Variants in VWDE observed in about 807,000 individuals in gnomAD.
VWDE encodes the protein von Willebrand factor D and EGF domains, also known as von Willebrand factor D and EGF domain-containing protein.
A neutral mutation model predicts 178.4 loss-of-function variants in VWDE; 207 were observed. The ratio of observed to expected loss-of-function variants is 1.16; its 90% CI spans 1.04 to 1.30. The LOEUF (loss-of-function observed/expected upper bound fraction) is 1.30, where lower values mean the gene tolerates loss of function less well. Among genes scored for constraint, VWDE ranks in the 50% most tolerant of loss-of-function variants. VWDE has a pLI of 0.00. For synonymous variants in VWDE, 738 were observed against 651.4 expected, an observed-to-expected ratio of 1.13 and a Z score of -2.02; for missense variants, 2,287 against 1,901.3, an observed-to-expected ratio of 1.20 and a Z score of -3.77.
intron 19 of VWDE, among the ~76,000 whole-genome samples, chr7:12,348,460 A>G (rs1178914062): frequency 5.6e-5 from 5 of 89,362 alleles, no homozygotes. Flanking sequence ...ATGCAGCCAA[A>G]AAATACATGA....
In VWDE at chr7:12,361,537, GA is replaced by G; in HGVS notation, c.2899-17del. 2 of 1,490,258 alleles carry G rather than the reference GA, an allele frequency of 1.3e-6. No homozygotes were observed. Among genetic ancestry groups the G allele is most frequent in the South Asian group, 1.3e-5 (1 of 74,410 alleles). 92.3% of individuals were successfully genotyped at this position (1,490,258 alleles called of 1,614,324 possible). A position where few individuals can be genotyped will look rare whatever the true frequency, so the allele number is the denominator to read the frequency against. On this transcript the variant is annotated splice_polypyrimidine_tract_variant and intron_variant, in intron 13 of 28. Transcript: ENST00000275358. ...TGCTATTATACTGAAGACATAGTGA[GA>G]AAAAAATTAACCTCTGTTAAATTAT...
At chr7:12,384,729 C>T (rs1327759954) in intron 3 of VWDE, among the ~76,000 whole-genome samples, 1 of 151,998 alleles carries the variant, frequency 6.6e-6, no homozygotes, top group African/African-American at 2.4e-5. Flanking sequence ...AGGATTATAC[C>T]ACCAATGAGC....
At chr7:12,341,208 T>C (rs1463249022) in intron 23 of VWDE, among the ~76,000 whole-genome samples, 2 of 152,212 alleles carry the variant, frequency 1.3e-5, no homozygotes, top group African/African-American at 2.4e-5. Context: ...AGTGGATCCT[T>C]GTTTCCATTT....
At chr7:12,342,194 G>A (rs1781372540) in intron 22 of VWDE, 40 bp from the exon 23 acceptor site, 7 of 1,511,036 alleles carry the variant, frequency 4.6e-6, no homozygotes, top group Non-Finnish European at 6.3e-6. Flanking sequence ...GATTAGGCTT[G>A]GAGTAGTCAT....
intron 9 of VWDE, 37 bp from the exon 10 acceptor site, chr7:12,373,284 T>C: frequency 2.0e-6 from 3 of 1,537,996 alleles, no homozygotes; most frequent in Non-Finnish European, 2.6e-6. Context: ...TAAAAAATCG[T>C]GTAAAATATC....
chr7:12,372,961 A>T lies in VWDE; in HGVS notation c.1587+16T>A. On this transcript the variant is annotated intron_variant, in intron 10 of 28. Coordinates refer to ENST00000275358, the MANE Select transcript of VWDE (RefSeq NM_001135924.3). Reference sequence around the variant, plus strand: ...AAAAAGGAAAAATACTTTCAATGTTAAAGAATCATACATACTGTGACTTTT... The same window carrying T: ...AAAAAGGAAAAATACTTTCAATGTTTAAGAATCATACATACTGTGACTTTT... The T allele has an allele frequency of 6.5e-7, 1 of 1,543,076 alleles. No homozygotes were observed. Among genetic ancestry groups the T allele is most frequent in the South Asian group, 1.2e-5 (1 of 81,892 alleles).
intron 27 of VWDE, among the ~76,000 whole-genome samples, chr7:12,334,823 A>G (rs1364867334): frequency 1.3e-5 from 2 of 152,192 alleles, no homozygotes; most frequent in Non-Finnish European, 2.9e-5. Context: ...TATGGTCCGC[A>G]TAGAGCTTAC....
At chr7:12,378,321 T>A (rs1016337544) in intron 6 of VWDE, among the ~76,000 whole-genome samples, 2 of 152,222 alleles carry the variant, frequency 1.3e-5, no homozygotes, top group African/African-American at 4.8e-5. Flanking sequence ...AATACCACCA[T>A]CTCAATTAGA....
chr7:12,353,324 G>C (rs1409666952), intron 18 of VWDE, among the ~76,000 whole-genome samples: 1 of 152,192 alleles, frequency 6.6e-6, no homozygotes, highest in African/African-American at 2.4e-5. Context: ...AATTCTGTGG[G>C]ATCAGGGCTC....
At chr7:12,336,343 A>G in intron 26 of VWDE, 107 bp from the exon 27 acceptor site, 4 of 858,312 alleles carry the variant, frequency 4.7e-6, no homozygotes, top group Non-Finnish European at 7.0e-6. Context: ...AGTTACAAGT[A>G]AGTGATTAAA....
At chr7:12,381,288 C>G (rs944429546) in intron 4 of VWDE, among the ~76,000 whole-genome samples, 2 of 152,072 alleles carry the variant, frequency 1.3e-5, no homozygotes, top group African/African-American at 4.8e-5. Context: ...TCTAAGAACT[C>G]ACAGGAAAAT....
chr7:12,389,048 A>G lies in VWDE; in HGVS notation c.475+79T>C, dbSNP rs528760100. ...ATCTTACTGAGATTTGCACTAACTC[A>G]ATACAACCTATCCAGAGAATGGTAC... On this transcript the variant is annotated intron_variant, in intron 3 of 28. Transcript: ENST00000275358. 4 of 1,013,070 alleles carry G rather than the reference A, an allele frequency of 3.9e-6. No individual in the cohort carries two copies. The South Asian group carries it at 4.1e-5, about 10-fold the overall frequency. The allele number at this position is 1,013,070 out of a possible 1,614,324, so 62.8% of individuals were successfully genotyped here.
chr7:12,336,266 T>A (rs1320954319), intron 26 of VWDE, 30 bp from the exon 27 acceptor site: 3 of 1,535,628 alleles, frequency 2.0e-6, no homozygotes, highest in Admixed American at 2.0e-5. Context: ...CAAGTTAAAA[T>A]TTTAAATTAC....
chr7:12,396,591 C>T (rs2099257790), intron 1 of VWDE, among the ~76,000 whole-genome samples: 1 of 151,850 alleles, frequency 6.6e-6, no homozygotes, highest in Non-Finnish European at 1.5e-5. Context: ...GTTGGAAAAC[C>T]ATTCCATACT....
chr7:12,374,796 C>T, intron 8 of VWDE, 34 bp from the exon 9 acceptor site: 1 of 1,350,806 alleles, frequency 7.4e-7, no homozygotes, highest in Non-Finnish European at 1.0e-6. Context: ...TAAATATTAC[C>T]ATTAATTATA....
intron 1 of VWDE, among the ~76,000 whole-genome samples, chr7:12,398,106 C>T (rs1784711167): frequency 6.6e-6 from 1 of 152,134 alleles, no homozygotes; most frequent in South Asian, 2.1e-4. Context: ...CACACATGTA[C>T]TGGTACGTTC....
rs1180470613 is a variant in VWDE, at chr7:12,373,264, G to C, written c.1317-17C>G. 1 of 1,546,414 alleles carries C rather than the reference G, an allele frequency of 6.5e-7. No individual in the cohort carries two copies. Among genetic ancestry groups the C allele is most frequent in the Non-Finnish European group, 8.7e-7 (1 of 1,145,580 alleles). On this transcript the variant is annotated splice_polypyrimidine_tract_variant and intron_variant, in intron 9 of 28. Transcript: ENST00000275358. Reference sequence around the variant, plus strand: ...TCATATACCCTATCATTAACAAAAGGCAATTGCATTAAAAAATCGTGTAAA... The same window carrying C: ...TCATATACCCTATCATTAACAAAAGCCAATTGCATTAAAAAATCGTGTAAA...
chr7:12,344,072 C>A (rs1020588906), intron 21 of VWDE, 123 bp downstream of exon 21: 1 of 642,362 alleles, frequency 1.6e-6, no homozygotes, highest in Non-Finnish European at 2.6e-6. Context: ...GAGTCCTATA[C>A]CAGCTTTGAT....
chr7:12,371,061 T>G (rs982742813), intron 10 of VWDE, among the ~76,000 whole-genome samples, 197 bp from the exon 11 acceptor site: 2 of 152,118 alleles, frequency 1.3e-5, no homozygotes, highest in Non-Finnish European at 1.5e-5. Flanking sequence ...TTTGCTGACC[T>G]GAAATTTGAT....
Sources: allele counts gnomAD v4.1 joint callset (sites outside exome capture counted in the v4.1 genomes callset), GRCh38; gene constraint gnomAD v4.1.1; transcripts MANE v1.5; gene names NCBI Gene and HGNC (gene_info 2026-07-23, HGNC 2026-07-21).